Variants in LGALS3 observed in about 807,000 individuals in gnomAD.
The protein encoded by LGALS3 is galectin-3.
Under a neutral mutation model 20.7 loss-of-function variants are expected in LGALS3, and 18 were observed. That is an observed-to-expected ratio of 0.87 (90% CI 0.60 to 1.29). The LOEUF is 1.29. LGALS3 is among the 50% of genes most tolerant of loss of function. The pLI is 0.00. For missense variants in LGALS3, 315 were observed against 314.7 expected (o/e 1.00, Z -0.01); for synonymous variants, 112 against 119.6 (o/e 0.94, Z 0.42).
chr14:55,137,585 G>A, intron 2 of LGALS3, 194 bp downstream of exon 2: 3 of 1,488,688 alleles, frequency 2.0e-6, no homozygotes, highest in East Asian at 2.4e-5. Flanking sequence ...GCCAGGCAGA[G>A]CGAGGCCTGG....
chr14:55,134,473 G>A (rs1336247272), intron 1 of LGALS3, among the ~76,000 whole-genome samples: 19 of 152,150 alleles, frequency 1.2e-4, no homozygotes, highest in Admixed American at 1.2e-3. Context: ...GTAATTAAAG[G>A]AACTAAGCTT....
chr14:55,141,607 T>TA (rs902966480), intron 4 of LGALS3, among the ~76,000 whole-genome samples: 2 of 151,836 alleles, frequency 1.3e-5, no homozygotes, highest in Non-Finnish European at 2.9e-5. Context: ...GTAGTAAACT[T>TA]AAAAAAAACT....
At chr14:55,137,946 A>G in intron 2 of LGALS3, 99 bp from the exon 3 acceptor site, 1 of 1,417,886 alleles carries the variant, frequency 7.1e-7, no homozygotes. Context: ...TGCCTTTGCC[A>G]TATTCCTCTC....
intron 4 of LGALS3, among the ~76,000 whole-genome samples, chr14:55,142,091 C>G (rs150106586): frequency 6.6e-6 from 1 of 152,300 alleles, no homozygotes; most frequent in African/African-American, 2.4e-5. Flanking sequence ...CTCATTCTTG[C>G]TGTTTTAGAG....
At chr14:55,131,416 C>T (rs575337845) in intron 1 of LGALS3, among the ~76,000 whole-genome samples, 1 of 152,280 alleles carries the variant, frequency 6.6e-6, no homozygotes, top group Admixed American at 6.5e-5. Context: ...ACATAGAACC[C>T]TCATTAGCCA....
At position 55,138,320 on chromosome 14, in the gene LGALS3, C is replaced by A; in HGVS notation, c.294C>A (p.Thr98=). The change falls in exon 3 of 6, where the codon ACC becomes ACA. Residue 98 remains threonine (T), a synonymous_variant. Transcript: ENST00000254301. ...CATCTTCTGGACAGCCAAGTGCCACCGGAGCCTACCCTGCCACTGGCCCCT... is the reference window on the plus strand; with the variant it reads ...CATCTTCTGGACAGCCAAGTGCCACAGGAGCCTACCCTGCCACTGGCCCCT... ...AYPSSGQPSA[T]GAYPATGPYG... The A allele has an allele frequency of 1.2e-6, 2 of 1,612,410 alleles. No homozygotes were observed. The highest frequency in any genetic ancestry group is 2.2e-5 in the South Asian group (2 of 91,056).
chr14:55,140,124 G>T, intron 3 of LGALS3, 151 bp from the exon 4 acceptor site: 1 of 512,938 alleles, frequency 1.9e-6, no homozygotes, highest in Non-Finnish European at 3.5e-6. Context: ...TTTGGCCCCT[G>T]GGCAAAGTGG....
intron 5 of LGALS3, among the ~76,000 whole-genome samples, chr14:55,143,109 G>GT (rs1489596715): frequency 6.6e-6 from 1 of 152,062 alleles, no homozygotes; most frequent in Non-Finnish European, 1.5e-5. Flanking sequence ...AAAACTAAAG[G>GT]TTTTTTATTC....
intron 3 of LGALS3, among the ~76,000 whole-genome samples, chr14:55,139,275 T>A (rs927429021): frequency 6.6e-6 from 1 of 152,148 alleles, no homozygotes; most frequent in African/African-American, 2.4e-5. Flanking sequence ...CATAGAGGAC[T>A]CTGACTTTTC....
intron 5 of LGALS3, chr14:55,143,453 C>T (rs1184429605): frequency 3.3e-5 from 12 of 362,690 alleles, no homozygotes; most frequent in African/African-American, 1.4e-4. Context: ...GACAGAGTCT[C>T]GCTCTGTCGC....
chr14:55,142,444 A>T, intron 4 of LGALS3, 140 bp from the exon 5 acceptor site: 1 of 582,434 alleles, frequency 1.7e-6, no homozygotes. Flanking sequence ...ACCCATTCTG[A>T]TTTATTTGCT....
chr14:55,135,802 C>T (rs532233692), intron 1 of LGALS3, among the ~76,000 whole-genome samples: 2 of 151,892 alleles, frequency 1.3e-5, no homozygotes, highest in South Asian at 2.1e-4. Flanking sequence ...TGGGCTCAAG[C>T]GATTTGCCCA....
chr14:55,137,194 T>C (rs1240601412), intron 1 of LGALS3, 176 bp from the exon 2 acceptor site: 3 of 696,670 alleles, frequency 4.3e-6, no homozygotes, highest in Non-Finnish European at 7.8e-6. Flanking sequence ...GGTTTGGCAA[T>C]CTAGCTGGAT....
At chr14:55,137,446 T>TG (rs1426519141) in intron 2 of LGALS3, 55 bp downstream of exon 2, 28 of 1,613,990 alleles carry the variant, frequency 1.7e-5, no homozygotes, top group Non-Finnish European at 2.3e-5. Context: ...GGTTGAGGGT[T>TG]GGGGGTTTTG....
intron 4 of LGALS3, 41 bp downstream of exon 4, chr14:55,140,404 T>C (rs1341667452): frequency 6.0e-6 from 8 of 1,329,050 alleles, no homozygotes; most frequent in Non-Finnish European, 6.4e-6. Context: ...TATTTGTAGA[T>C]TGGTTTTTGA....
chr14:55,143,867 G>A (rs572174554), intron 5 of LGALS3: 1 of 135,318 alleles, frequency 7.4e-6, no homozygotes, highest in East Asian at 2.6e-4. Flanking sequence ...CTAGAAGCAA[G>A]TCTTCTAGAA....
In LGALS3 at chr14:55,145,123, T is replaced by A; in HGVS notation, c.605T>A (p.Val202Glu). ...FESGKPFKIQ[V>E]LVEPDHFKVA... ...ATGTATATGCCATTTCAGATACAAG[T>A]ACTGGTTGAACCTGACCACTTCAAG... Residue 202 changes from valine (V) to glutamate (E), a missense_variant, in exon 6 of 6, where the codon GTA becomes GAA. Transcript: ENST00000254301. The A allele has an allele frequency of 6.2e-7, 1 of 1,613,220 alleles. No homozygotes were observed. The highest frequency in any genetic ancestry group is 8.5e-7 in the Non-Finnish European group (1 of 1,179,346).
At chr14:55,141,348 C>T (rs902833090) in intron 4 of LGALS3, among the ~76,000 whole-genome samples, 4 of 152,152 alleles carry the variant, frequency 2.6e-5, no homozygotes, top group African/African-American at 4.8e-5. Context: ...ACATCCTCTA[C>T]CTATGTCCTT....
intron 3 of LGALS3, among the ~76,000 whole-genome samples, chr14:55,139,434 T>A (rs557254369): frequency 1.1e-4 from 17 of 152,210 alleles, no homozygotes; most frequent in African/African-American, 3.4e-4. Context: ...TGGGAGGAAG[T>A]ACAGGACTAG....
Sources: allele counts gnomAD v4.1 joint callset (sites outside exome capture counted in the v4.1 genomes callset), GRCh38; gene constraint gnomAD v4.1.1; transcripts MANE v1.5; gene names NCBI Gene and HGNC (gene_info 2026-07-23, HGNC 2026-07-21).